Variants in SNX13 observed in about 807,000 individuals in gnomAD.
SNX13 encodes the protein sorting nexin-13.
Under a neutral mutation model 133.6 loss-of-function variants are expected in SNX13, and 45 were observed. The observed-to-expected ratio is 0.34, with a 90% CI of 0.27 to 0.43. The LOEUF (loss-of-function observed/expected upper bound fraction) is 0.43. Among genes scored for constraint, SNX13 ranks in the 20% least tolerant of loss-of-function variants. The pLI is 1.00. For synonymous variants in SNX13, 414 were observed against 373.9 expected (o/e 1.11, Z -1.24); for missense variants, 1,032 against 1,145.1 (o/e 0.90, Z 1.43).
chr7:17,842,785 C>T (rs971843821), intron 12 of SNX13, among the ~76,000 whole-genome samples: 4 of 151,830 alleles, frequency 2.6e-5, no homozygotes, highest in East Asian at 1.9e-4. Context: ...AGTTTTGTGA[C>T]GTCATCAAAA....
intron 1 of SNX13, among the ~76,000 whole-genome samples, chr7:17,919,142 G>C (rs112604572): frequency 2.4e-4 from 36 of 152,268 alleles, no homozygotes; most frequent in African/African-American, 8.7e-4. Flanking sequence ...ATTTAGTGCT[G>C]TGTTCACTAT....
intron 18 of SNX13, among the ~76,000 whole-genome samples, chr7:17,820,644 G>A (rs989046405): frequency 2.0e-5 from 3 of 151,914 alleles, no homozygotes; most frequent in African/African-American, 7.3e-5. Context: ...GATTATCATG[G>A]TGCCAACTAT....
rs1794368145 is a variant in SNX13, at chr7:17,873,626, GA to G, written c.665-11del. 1.3e-6 allele frequency: 2 copies of G among 1,497,612 alleles called. No homozygotes were observed. Among genetic ancestry groups the G allele is most frequent in the Non-Finnish European group, 1.8e-6 (2 of 1,106,394 alleles). 92.8% of individuals were successfully genotyped at this position (1,497,612 alleles called of 1,614,324 possible). A position where few individuals can be genotyped will look rare whatever the true frequency, so the allele number is the denominator to read the frequency against. ...AAATCCCTTAGGAATCCTAAAAGTA[GA>G]AAAAGTAGCTATCATAACATTAGAA... is the stretch of plus-strand genomic sequence containing the variant. On this transcript the variant is annotated splice_polypyrimidine_tract_variant and intron_variant, in intron 7 of 25. Coordinates refer to ENST00000428135, the MANE Select transcript of SNX13 (RefSeq NM_015132.5).
chr7:17,926,109 G>T (rs1458429873), intron 1 of SNX13, among the ~76,000 whole-genome samples: 2 of 144,750 alleles, frequency 1.4e-5, no homozygotes, highest in African/African-American at 2.5e-5. Context: ...AAATAACAGA[G>T]AAAGTTGGGG....
At chr7:17,808,943 G>A (rs1462239267) in intron 20 of SNX13, among the ~76,000 whole-genome samples, 1 of 152,092 alleles carries the variant, frequency 6.6e-6, no homozygotes, top group Non-Finnish European at 1.5e-5. Flanking sequence ...CCTTACAAGA[G>A]CTCCTGAAGG....
chr7:17,843,261 C>T (rs1261354546), intron 12 of SNX13, among the ~76,000 whole-genome samples: 1 of 151,756 alleles, frequency 6.6e-6, no homozygotes. Flanking sequence ...CAAACAGTAA[C>T]CAAAATAGAG....
chr7:17,937,209 T>A (rs1802189799), intron 1 of SNX13, among the ~76,000 whole-genome samples: 1 of 152,110 alleles, frequency 6.6e-6, no homozygotes, highest in Non-Finnish European at 1.5e-5. Flanking sequence ...ATACTTTCAA[T>A]TTACATTAAT....
rs188126835 is a variant in SNX13 at position 17,844,383 on chromosome 7, A to C, written c.1165+1212T>G. 2.8e-3 allele frequency among the ~76,000 whole-genome samples: 430 copies of C among 152,222 alleles called. 12 individuals are homozygous for C. Among genetic ancestry groups the C allele is most frequent in the Admixed American group, 0.025 (388 of 15,274 alleles). ...GAATTGAAAATCTGAGGAGACTGAT[A>C]ACGTAGTAAGGAGAATGAATCAGTA... On this transcript the variant is annotated intron_variant, in intron 12 of 25. Transcript: ENST00000428135.
chr7:17,822,617 G>C (rs958336447), intron 17 of SNX13, among the ~76,000 whole-genome samples: 1 of 152,076 alleles, frequency 6.6e-6, no homozygotes, highest in African/African-American at 2.4e-5. Flanking sequence ...CAAATTATCT[G>C]CTGGTTCTGT....
Position 17,893,410 on chromosome 7 carries a change from A to G in SNX13, c.150T>C (p.Phe50=), listed in dbSNP as rs547548777. 92 of 1,564,840 alleles carry G rather than the reference A, an allele frequency of 5.9e-5. No homozygotes were observed. The highest frequency in any genetic ancestry group is 5.0e-4 in the Middle Eastern group (3 of 6,016). The change falls in exon 3 of 26, where the codon TTT becomes TTC. Residue 50 remains phenylalanine (F), a synonymous_variant. Transcript: ENST00000428135. ...VGGGLVVTLL[F]GKTNSEKYLE... is the part of the protein sequence containing the mutation. ...GGTACTTCTCTGAGTTTGTTTTTCC[A>G]AACAGGAGAGTAACCACTAAACCCC... is the stretch of plus-strand genomic sequence containing the variant.
intron 1 of SNX13, among the ~76,000 whole-genome samples, chr7:17,919,306 A>C (rs1799881050): frequency 6.6e-6 from 1 of 152,188 alleles, no homozygotes; most frequent in Non-Finnish European, 1.5e-5. Flanking sequence ...CATAAATACT[A>C]AATAACCTAC....
intron 18 of SNX13, among the ~76,000 whole-genome samples, chr7:17,818,288 T>C (rs1786900413): frequency 6.6e-6 from 1 of 152,168 alleles, no homozygotes; most frequent in Non-Finnish European, 1.5e-5. Context: ...ACCAAGGAAA[T>C]ATGACACTAT....
intron 1 of SNX13, among the ~76,000 whole-genome samples, chr7:17,928,017 A>AT (rs1800956915): frequency 1.3e-5 from 2 of 152,204 alleles, no homozygotes; most frequent in African/African-American, 2.4e-5. Flanking sequence ...CAATACAATA[A>AT]AAGTCCTAAT....
intron 21 of SNX13, among the ~76,000 whole-genome samples, chr7:17,803,065 C>T (rs1054590114): frequency 3.3e-5 from 5 of 152,112 alleles, no homozygotes; most frequent in East Asian, 3.9e-4. Flanking sequence ...ACTAGTATAA[C>T]TCATCTGCAC....
At chr7:17,801,690 C>G (rs778417362) in intron 21 of SNX13, 31 bp from the exon 22 acceptor site, 1 of 1,500,584 alleles carries the variant, frequency 6.7e-7, no homozygotes, top group African/African-American at 1.4e-5. Flanking sequence ...ACAAAGTAAA[C>G]ACACTAAAGC....
At chr7:17,875,408 A>AT (rs1223832408) in intron 7 of SNX13, 72 bp downstream of exon 7, 16 of 1,256,508 alleles carry the variant, frequency 1.3e-5, no homozygotes, top group Admixed American at 6.7e-5. Context: ...TTACCCTTAG[A>AT]TTTTTTCACT....
Position 17,853,917 on chromosome 7 carries a change from C to A in SNX13, c.838-2953G>T, listed in dbSNP as rs528627290. 1.3e-4 allele frequency among the ~76,000 whole-genome samples: 19 copies of A among 150,572 alleles called. No homozygotes were observed. In the South Asian group the frequency reaches 3.8e-3, roughly 30 times the overall value. On this transcript the variant is annotated intron_variant, in intron 9 of 25. Coordinates refer to ENST00000428135, the MANE Select transcript of SNX13 (RefSeq NM_015132.5). ...AATCGTGCCACTGCACTCCAGCCTG[C>A]GCGACAGAGCGAGAATCCATCTCCA...
intron 18 of SNX13, among the ~76,000 whole-genome samples, chr7:17,817,561 A>T (rs1464478675): frequency 1.3e-5 from 2 of 152,228 alleles, no homozygotes; most frequent in Non-Finnish European, 2.9e-5. Context: ...TGGAGCTAAA[A>T]TGTGAACAAG....
intron 5 of SNX13, among the ~76,000 whole-genome samples, chr7:17,885,297 CAAA>C (rs369504773): frequency 5.0e-5 from 6 of 121,054 alleles, no homozygotes; most frequent in Non-Finnish European, 5.4e-5. Context: ...TCCATAGAGA[CAAA>C]AAAAAAAAAA....
Sources: allele counts gnomAD v4.1 joint callset (sites outside exome capture counted in the v4.1 genomes callset), GRCh38; gene constraint gnomAD v4.1.1; transcripts MANE v1.5; gene names NCBI Gene and HGNC (gene_info 2026-07-23, HGNC 2026-07-21).